Variants in DOK6 observed in about 807,000 individuals in gnomAD.
DOK6 encodes the protein downstream of tyrosine kinase 6.
A neutral mutation model predicts 44.0 loss-of-function variants in DOK6; 22 were observed. That is an observed-to-expected ratio of 0.50 (90% confidence interval 0.36 to 0.71). The LOEUF is 0.71. Among genes scored for constraint, DOK6 ranks in the 30% least tolerant of loss-of-function variants. The pLI is 0.00. For missense variants in DOK6, 340 were observed against 416.4 expected, an observed-to-expected ratio of 0.82 and a Z score of 1.60; for synonymous variants, 166 against 145.5, an observed-to-expected ratio of 1.14 and a Z score of -1.01.
At chr18:69,418,271 G>A (rs1049227675) in intron 1 of DOK6, among the ~76,000 whole-genome samples, 1 of 151,730 alleles carries the variant, frequency 6.6e-6, no homozygotes, top group Admixed American at 6.6e-5. Flanking sequence ...TTCTGTCTAT[G>A]GTCTAGATAG....
chr18:69,493,982 T>C (rs924926665), intron 1 of DOK6, among the ~76,000 whole-genome samples: 41 of 152,338 alleles, frequency 2.7e-4, no homozygotes, highest in African/African-American at 7.2e-4. Flanking sequence ...GCCACTTTAC[T>C]TCAAAGGAGA....
chr18:69,410,611 CT>C, intron 1 of DOK6, among the ~76,000 whole-genome samples: 1 of 152,312 alleles, frequency 6.6e-6, no homozygotes, highest in Middle Eastern at 3.4e-3. Flanking sequence ...CAGAAATTGA[CT>C]TCATAAACAA....
At chr18:69,525,388 A>T (rs1382782778) in intron 1 of DOK6, among the ~76,000 whole-genome samples, 1 of 151,974 alleles carries the variant, frequency 6.6e-6, no homozygotes, top group Non-Finnish European at 1.5e-5. Flanking sequence ...ATAATTTTGC[A>T]CATTTCTGGG....
chr18:69,509,796 GTC>G (rs1487117289), intron 1 of DOK6, among the ~76,000 whole-genome samples: 2 of 152,068 alleles, frequency 1.3e-5, no homozygotes, highest in African/African-American at 4.8e-5. Context: ...AAATAAAACT[GTC>G]TCTACATATT....
At chr18:69,739,881 T>C (rs1978742232) in intron 6 of DOK6, among the ~76,000 whole-genome samples, 1 of 152,196 alleles carries the variant, frequency 6.6e-6, no homozygotes, top group Admixed American at 6.5e-5. Context: ...TTGTGAAACA[T>C]CAGTAAGTCT....
chr18:69,596,380 C>T (rs943418649), intron 2 of DOK6, among the ~76,000 whole-genome samples: 6 of 152,032 alleles, frequency 3.9e-5, no homozygotes, highest in African/African-American at 1.4e-4. Flanking sequence ...GATCCAGAAG[C>T]TCAATTAACT....
intron 4 of DOK6, among the ~76,000 whole-genome samples, chr18:69,696,650 A>G (rs1240630973): frequency 1.3e-5 from 2 of 152,190 alleles, no homozygotes; most frequent in African/African-American, 2.4e-5. Flanking sequence ...TTCTTGGCCA[A>G]AGAAGAGAAG....
chr18:69,723,660 T>C (rs1450083833), intron 5 of DOK6, among the ~76,000 whole-genome samples: 1 of 152,232 alleles, frequency 6.6e-6, no homozygotes, highest in African/African-American at 2.4e-5. Flanking sequence ...CTAGGCAGTG[T>C]AGTGCTCCTG....
intron 1 of DOK6, among the ~76,000 whole-genome samples, chr18:69,517,715 T>C (rs6566429): frequency 0.2 from 29,810 of 148,948 alleles, 3,163 homozygotes; most frequent in African/African-American, 0.24. Flanking sequence ...TCAAGAGTTG[T>C]GCTATACAGC....
At chr18:69,789,461 G>A (rs948965041) in intron 7 of DOK6, among the ~76,000 whole-genome samples, 12 of 152,016 alleles carry the variant, frequency 7.9e-5, no homozygotes, top group South Asian at 2.1e-4. Flanking sequence ...GTGTGTATGC[G>A]TGTGTGTTTG....
chr18:69,657,855 G>C (rs1568324526), intron 3 of DOK6, among the ~76,000 whole-genome samples: 1 of 152,166 alleles, frequency 6.6e-6, no homozygotes, highest in African/African-American at 2.4e-5. Context: ...TCTGTTGGTT[G>C]GTTGGTGTGT....
At position 69,620,349 on chromosome 18, in the gene DOK6, A is replaced by T. The variant is rs954921523; in HGVS notation, c.289+20851A>T. On this transcript the variant is annotated intron_variant, in intron 3 of 7. Coordinates refer to ENST00000382713, the MANE Select transcript of DOK6 (RefSeq NM_152721.6). Reference sequence around the variant, plus strand: ...ATATCACCTACTTCATTTATTTTATATCATTTCACAATTACACAAGGCTAT... The same window carrying T: ...ATATCACCTACTTCATTTATTTTATTTCATTTCACAATTACACAAGGCTAT... Among the ~76,000 whole-genome samples, 5 of 152,312 alleles carry T rather than the reference A, an allele frequency of 3.3e-5. No homozygotes were observed. The East Asian group carries it at 5.8e-4, about 18-fold the overall frequency.
chr18:69,612,783 A>T lies in DOK6; in HGVS notation c.289+13285A>T, dbSNP rs529291852. ...GCTAATAAAAGTGTGTTGAATTATT[A>T]ATTAATACCTGAATTAGTAAAATTT... On this transcript the variant is annotated intron_variant, in intron 3 of 7. Coordinates refer to ENST00000382713, the MANE Select transcript of DOK6 (RefSeq NM_152721.6). 6.6e-5 allele frequency among the ~76,000 whole-genome samples: 10 copies of T among 152,288 alleles called. No homozygotes were observed. The South Asian group carries it at 2.1e-3, about 32-fold the overall frequency.
chr18:69,836,824 A>G (rs994670784), intron 7 of DOK6, among the ~76,000 whole-genome samples: 1 of 152,188 alleles, frequency 6.6e-6, no homozygotes, highest in African/African-American at 2.4e-5. Context: ...GCTTCCATCA[A>G]CACTGTCTAG....
intron 1 of DOK6, among the ~76,000 whole-genome samples, chr18:69,496,696 A>AT (rs959261758): frequency 1.8e-4 from 28 of 152,070 alleles, no homozygotes; most frequent in African/African-American, 6.5e-4. Flanking sequence ...GGGTAGGGTG[A>AT]TTTTTTTCAT....
intron 5 of DOK6, among the ~76,000 whole-genome samples, chr18:69,718,962 T>G (rs1284093629): frequency 1.3e-5 from 2 of 151,928 alleles, no homozygotes; most frequent in Non-Finnish European, 2.9e-5. Flanking sequence ...AATATCACAG[T>G]TTAATATATT....
rs184786490 is a variant in DOK6, at chr18:69,841,161, A to T, written c.857-83A>T. On this transcript the variant is annotated intron_variant, in intron 7 of 7. Coordinates refer to ENST00000382713, the MANE Select transcript of DOK6 (RefSeq NM_152721.6). The stretch of plus-strand genomic sequence containing the variant: ...ATTGTTCTTAAAAATATAGATAGAT[A>T]GATAATAGATAGATGATAGATAGTG... 15 of 1,522,352 alleles carry T rather than the reference A, an allele frequency of 9.9e-6. No individual in the cohort carries two copies. In the Admixed American group the frequency reaches 1.8e-4, roughly 18 times the overall value. The allele number at this position is 1,522,352 out of a possible 1,614,324, so 94.3% of individuals were successfully genotyped here. A position where few individuals can be genotyped will look rare whatever the true frequency, so the allele number is the denominator to read the frequency against.
At chr18:69,586,445 G>GT (rs1983502435) in intron 2 of DOK6, among the ~76,000 whole-genome samples, 1 of 152,124 alleles carries the variant, frequency 6.6e-6, no homozygotes, top group African/African-American at 2.4e-5. Context: ...TTTGTTCCCT[G>GT]TTAATGTGCC....
chr18:69,472,573 C>G (rs915312437), intron 1 of DOK6, among the ~76,000 whole-genome samples: 1 of 152,182 alleles, frequency 6.6e-6, no homozygotes, highest in Non-Finnish European at 1.5e-5. Flanking sequence ...TGCTCACTGA[C>G]GCCCACAGGA....
Sources: gnomAD v4.1 joint callset for allele counts (sites outside exome capture counted in the v4.1 genomes callset) on GRCh38, gnomAD v4.1.1 for gene constraint, MANE v1.5 for transcripts, NCBI Gene and HGNC (gene_info 2026-07-23, HGNC 2026-07-21) for gene names.